Variants in BMP1 observed in about 807,000 individuals in gnomAD.
BMP1 encodes mammalian tolloid protein.
BMP1 carries 63 observed loss-of-function variants against 116.8 expected under a neutral mutation model. The observed-to-expected ratio is 0.54, with a 90% confidence interval of 0.44 to 0.67. The LOEUF (loss-of-function observed/expected upper bound fraction) is 0.67, where lower values mean the gene tolerates loss of function less well. Ranked by LOEUF, BMP1 falls within the 30% of genes least tolerant of loss-of-function variation. The pLI is 0.00. For synonymous variants in BMP1, 536 were observed against 533.4 expected (o/e 1.00, Z -0.07); for missense variants, 1,183 against 1,358.9 (o/e 0.87, Z 2.04).
At chr8:22,206,390 T>C (rs563897684) in intron 16 of BMP1, among the ~76,000 whole-genome samples, 1 of 151,214 alleles carries the variant, frequency 6.6e-6, no homozygotes, top group Admixed American at 6.6e-5. Context: ...TAATCCAAGA[T>C]ACTGAGGAGG....
intron 8 of BMP1, among the ~76,000 whole-genome samples, chr8:22,187,780 A>G (rs1296314756): frequency 2.0e-5 from 3 of 152,130 alleles, no homozygotes; most frequent in Non-Finnish European, 4.4e-5. Flanking sequence ...TCATTCTACT[A>G]GCAAAGTTAA....
Position 22,211,802 on chromosome 8 carries a change from G to T in BMP1, c.*74G>T. 6.2e-7 allele frequency: 1 copy of T among 1,605,590 alleles called. No homozygotes were observed. On this transcript the variant is annotated 3_prime_UTR_variant, in exon 20 of 20. Transcript: ENST00000306385. The stretch of plus-strand genomic sequence containing the variant: ...CTAGACTGGATAGTGGGGGTGGGCG[G>T]AAGGCAACGCACCATCCCTCTCCCC...
rs200653366 is a variant in BMP1, at chr8:22,194,766, C to T, written c.1486C>T (p.Arg496Cys). ...CTGTGCCTACGACTATCTGGAGGTG[C>T]GCGACGGGCACAGTGAGAGCAGCAC... ...DSCAYDYLEV[R>C]DGHSESSTLI... Residue 496 changes from arginine (R) to cysteine (C), a missense_variant, in exon 12 of 20, where the codon CGC becomes TGC. Arg to Cys is a radical substitution (Grantham distance 180). Around this residue, in one of 4 missense-constraint regions of BMP1, gnomAD observed 956 missense variants for 1,135.2 expected, o/e 0.84. Coordinates refer to ENST00000306385, the MANE Select transcript of BMP1 (RefSeq NM_006129.5). The surrounding 1 kb of genome is among the most constrained non-coding windows in gnomAD (Gnocchi z 4.5). 1.6e-5 allele frequency: 25 copies of T among 1,612,852 alleles called. No homozygotes were observed. Among genetic ancestry groups the T allele is most frequent in the Non-Finnish European group, 1.7e-5 (20 of 1,179,460 alleles).
intron 8 of BMP1, among the ~76,000 whole-genome samples, chr8:22,186,250 AGGGTGT>A (rs1162385098): frequency 6.6e-6 from 1 of 152,166 alleles, no homozygotes; most frequent in Non-Finnish European, 1.5e-5. Flanking sequence ...TGCTTCTTGA[AGGGTGT>A]GGGGCTCTGA....
chr8:22,165,949 C>G lies in BMP1; in HGVS notation c.148+396C>G, dbSNP rs1586429014. ...TGTTCTTTCCCCTTCTCCCCCATCT[C>G]TCCTGCTCCAGGAGCTGGGTGTTTT... On this transcript the variant is annotated intron_variant, in intron 1 of 19. Transcript: ENST00000306385. Among the ~76,000 whole-genome samples the G allele has an allele frequency of 2.8e-5, 4 of 145,324 alleles. 1 individual carries two copies. The highest frequency in any genetic ancestry group is 1.0e-4 in the African/African-American group (4 of 40,036).
chr8:22,196,250 G>T, intron 13 of BMP1: 1 of 531,324 alleles, frequency 1.9e-6, no homozygotes, highest in Non-Finnish European at 3.7e-6. Flanking sequence ...TCCACGCATG[G>T]TCCCGAGATG....
chr8:22,210,090 T>C (rs1422898407), intron 19 of BMP1, among the ~76,000 whole-genome samples: 1 of 152,256 alleles, frequency 6.6e-6, no homozygotes. Flanking sequence ...ACAGGGCGCC[T>C]GAGCGGAGTG....
At chr8:22,182,920 A>T (rs775263121) in intron 8 of BMP1, among the ~76,000 whole-genome samples, 7 of 152,244 alleles carry the variant, frequency 4.6e-5, no homozygotes, top group Non-Finnish European at 1.0e-4. Flanking sequence ...AGAGGTGCTC[A>T]TGGGCTCTCC....
chr8:22,203,303 C>A (rs957727711), intron 16 of BMP1, among the ~76,000 whole-genome samples: 1 of 152,220 alleles, frequency 6.6e-6, no homozygotes, highest in Non-Finnish European at 1.5e-5. Flanking sequence ...CGCCTGTAAT[C>A]CCAGTACTTT....
At chr8:22,177,774 G>T in intron 5 of BMP1, 78 bp from the exon 6 acceptor site, 1 of 1,102,062 alleles carries the variant, frequency 9.1e-7, no homozygotes, top group Non-Finnish European at 1.4e-6. Flanking sequence ...TCCATTCCCT[G>T]CCCTGGAAAG....
intron 2 of BMP1, 22 bp from the exon 3 acceptor site, chr8:22,176,121 T>C (rs768350923): frequency 6.2e-7 from 1 of 1,612,636 alleles, no homozygotes; most frequent in Non-Finnish European, 8.5e-7. Flanking sequence ...CACTCACTAG[T>C]CACCATGACT....
chr8:22,205,708 A>G (rs1829340256), intron 16 of BMP1, among the ~76,000 whole-genome samples: 1 of 152,106 alleles, frequency 6.6e-6, no homozygotes, highest in Non-Finnish European at 1.5e-5. Context: ...CTAGGAGCTC[A>G]AGGCTATGGT....
chr8:22,196,931 C>T, intron 14 of BMP1, 91 bp downstream of exon 14: 2 of 1,439,552 alleles, frequency 1.4e-6, no homozygotes, highest in Admixed American at 2.3e-5. Context: ...TGAGAGGGGG[C>T]CCGGCAGAAA....
At position 22,179,609 on chromosome 8, in the gene BMP1, G is replaced by C. The variant is rs965605093; in HGVS notation, c.837-96G>C. On this transcript the variant is annotated intron_variant, in intron 6 of 19. Transcript: ENST00000306385. This position sits in a 1 kb window ranked among gnomAD's most constrained non-coding sequence, Gnocchi z 4.6. The stretch of plus-strand genomic sequence containing the variant: ...CCTGCTGAGGAATGTCTGAGCTCCA[G>C]CAGGGTCGTGACTTGTGGGTACAGA... 1 of 1,594,290 alleles carries C rather than the reference G, an allele frequency of 6.3e-7. No homozygotes were observed. The highest frequency in any genetic ancestry group is 2.3e-5 in the East Asian group (1 of 43,892).
chr8:22,207,569 G>A, intron 18 of BMP1, 53 bp downstream of exon 18: 2 of 1,590,224 alleles, frequency 1.3e-6, no homozygotes, highest in Non-Finnish European at 1.7e-6. Flanking sequence ...CAAGACTGGG[G>A]TAGAGTCGGG....
rs181596532 is a variant in BMP1 at position 22,206,323 on chromosome 8, G to A, written c.2234-531G>A. Among the ~76,000 whole-genome samples, 34 of 152,238 alleles carry A rather than the reference G, an allele frequency of 2.2e-4. No individual in the cohort carries two copies. In the East Asian group the frequency reaches 3.5e-3, roughly 16 times the overall value. On this transcript the variant is annotated intron_variant, in intron 16 of 19. Coordinates refer to ENST00000306385, the MANE Select transcript of BMP1 (RefSeq NM_006129.5). The stretch of plus-strand genomic sequence containing the variant: ...TTGAGACTAGCCTGGCCAACATGGC[G>A]AAACCCCGTCTCTACTAAAAATACA...
At chr8:22,210,359 CTCT>C (rs201856262) in intron 19 of BMP1, among the ~76,000 whole-genome samples, 278 of 142,836 alleles carry the variant, frequency 1.9e-3, no homozygotes, top group Middle Eastern at 3.5e-3. Context: ...TTGCAGCTGC[CTCT>C]TCTTCTTTTT....
chr8:22,203,940 G>A (rs1028546348), intron 16 of BMP1, among the ~76,000 whole-genome samples: 5 of 152,232 alleles, frequency 3.3e-5, no homozygotes, highest in African/African-American at 4.8e-5. Context: ...GAAGCTCCTG[G>A]AGAAGATGGC....
At chr8:22,198,962 C>T in intron 15 of BMP1, 3 of 1,279,586 alleles carry the variant, frequency 2.3e-6, no homozygotes, top group African/African-American at 3.1e-5. Context: ...GGGGCAGGCT[C>T]TGCCCCGGGA....
Sources: allele counts gnomAD v4.1 joint callset (sites outside exome capture counted in the v4.1 genomes callset), GRCh38; gene constraint gnomAD v4.1.1; regional missense constraint gnomAD v4.1.1; non-coding constraint Gnocchi (gnomAD v3.1); transcripts MANE v1.5; gene names NCBI Gene and HGNC (gene_info 2026-07-23, HGNC 2026-07-21).